LRBA: variants seen among roughly 807,000 people sequenced by gnomAD.
The protein encoded by LRBA is LPS responsive beige-like anchor protein, also known as lipopolysaccharide-responsive and beige-like anchor protein.
In LRBA, 176 loss-of-function variants were observed where a neutral mutation model predicts 330.0. That is an observed-to-expected ratio of 0.53 (90% CI 0.47 to 0.60). LRBA has a LOEUF of 0.60. Among genes scored for constraint, LRBA ranks in the 20% least tolerant of loss-of-function variants. The probability of loss-of-function intolerance (pLI) is 0.00; values close to 1 mark genes in which losing one functional copy is unlikely to be tolerated. For missense variants in LRBA, 3,259 were observed against 3,444.8 expected (o/e 0.95, Z 1.35); for synonymous variants, 1,230 against 1,193.0 (o/e 1.03, Z -0.64).
Position 150,795,018 on chromosome 4 carries a change from T to C in LRBA, c.5580+3063A>G, listed in dbSNP as rs1014207561. Among the ~76,000 whole-genome samples the C allele has an allele frequency of 2.6e-5, 4 of 152,124 alleles. No homozygotes were observed. In the South Asian group the frequency reaches 6.2e-4, roughly 24 times the overall value. ...ACACATTATTTATTTATTAGATGTT[T>C]TGGGTTGAAACCATTTTTAAATGAT... On this transcript the variant is annotated intron_variant, in intron 34 of 56. Coordinates refer to ENST00000651943, the MANE Select transcript of LRBA (RefSeq NM_001364905.1).
At chr4:150,526,957 T>C (rs1373914717) in intron 40 of LRBA, among the ~76,000 whole-genome samples, 1 of 151,974 alleles carries the variant, frequency 6.6e-6, no homozygotes, top group Non-Finnish European at 1.5e-5. Flanking sequence ...AATTCGTTGA[T>C]ACGCTTTTCA....
At chr4:150,598,449 T>C (rs1773747781) in intron 38 of LRBA, among the ~76,000 whole-genome samples, 2 of 152,154 alleles carry the variant, frequency 1.3e-5, no homozygotes, top group South Asian at 4.1e-4. Flanking sequence ...GATAACAAAA[T>C]AATATAGAAT....
chr4:150,842,103 A>C (rs1233581710), intron 28 of LRBA, among the ~76,000 whole-genome samples: 1 of 152,192 alleles, frequency 6.6e-6, no homozygotes, highest in Non-Finnish European at 1.5e-5. Context: ...ATTATTTATG[A>C]CTTTCAGTAA....
intron 44 of LRBA, among the ~76,000 whole-genome samples, chr4:150,443,413 G>A (rs1752091222): frequency 6.6e-6 from 1 of 152,076 alleles, no homozygotes. Flanking sequence ...ATTTACTGCG[G>A]CACTACTCAC....
At chr4:150,635,712 T>C (rs972811418) in intron 37 of LRBA, among the ~76,000 whole-genome samples, 2 of 152,160 alleles carry the variant, frequency 1.3e-5, no homozygotes, top group Admixed American at 1.3e-4. Context: ...TACATAATAA[T>C]AATATAACTG....
At chr4:150,894,420 T>C (rs569609189) in intron 16 of LRBA, among the ~76,000 whole-genome samples, 2 of 152,278 alleles carry the variant, frequency 1.3e-5, no homozygotes, top group Non-Finnish European at 1.5e-5. Context: ...TTGATAACAT[T>C]TACAGAATAC....
At chr4:150,868,739 A>G (rs939375452) in intron 20 of LRBA, among the ~76,000 whole-genome samples, 6 of 152,086 alleles carry the variant, frequency 3.9e-5, no homozygotes, top group Non-Finnish European at 8.8e-5. Context: ...GGAGTTCGAG[A>G]GCGGCCTGGC....
At chr4:150,419,633 CTTTT>C (rs780382905) in intron 46 of LRBA, among the ~76,000 whole-genome samples, 1 of 96,984 alleles carries the variant, frequency 1.0e-5, no homozygotes, top group Non-Finnish European at 2.0e-5. Flanking sequence ...CTGATAATAT[CTTTT>C]TTTTTTTTTT....
chr4:150,857,266 A>C (rs1218570148), intron 22 of LRBA, among the ~76,000 whole-genome samples: 1 of 152,112 alleles, frequency 6.6e-6, no homozygotes, highest in Admixed American at 6.6e-5. Flanking sequence ...ATCTTTTATA[A>C]AGACTCTGAT....
At chr4:150,501,366 C>T (rs1378022585) in intron 40 of LRBA, among the ~76,000 whole-genome samples, 2 of 152,142 alleles carry the variant, frequency 1.3e-5, no homozygotes, top group Non-Finnish European at 2.9e-5. Flanking sequence ...AATACCAGCA[C>T]TTTGGTAGGC....
chr4:150,827,901 C>T (rs902131570), intron 30 of LRBA, among the ~76,000 whole-genome samples: 13 of 152,064 alleles, frequency 8.5e-5, no homozygotes, highest in African/African-American at 3.1e-4. Flanking sequence ...TGCACCTGGC[C>T]TTCCTTATGA....
chr4:150,816,650 C>T (rs1744635238), intron 31 of LRBA, among the ~76,000 whole-genome samples: 1 of 151,602 alleles, frequency 6.6e-6, no homozygotes, highest in African/African-American at 2.4e-5. Context: ...CCTTTCCAAG[C>T]CTCTAATTCA....
Position 150,568,571 on chromosome 4 carries a change from A to G in LRBA, c.6330+19477T>C, listed in dbSNP as rs187677141. Among the ~76,000 whole-genome samples the G allele has an allele frequency of 9.2e-5, 14 of 152,276 alleles. No individual in the cohort carries two copies. The East Asian group carries it at 2.3e-3, about 25-fold the overall frequency. ...TACCTGGTTTGAAGAGAAAAACTTT[A>G]GTGTAAATAATCCCAAAGAAAACTA... On this transcript the variant is annotated intron_variant, in intron 40 of 56. Transcript: ENST00000651943.
chr4:150,517,605 A>G (rs1762489705), intron 40 of LRBA, among the ~76,000 whole-genome samples: 1 of 152,232 alleles, frequency 6.6e-6, no homozygotes, highest in African/African-American at 2.4e-5. Flanking sequence ...AACAGGATGC[A>G]TAAAAGTAAA....
chr4:150,302,757 C>T lies in LRBA; in HGVS notation c.7885G>A (p.Val2629Ile). The change falls in exon 53 of 57, where the codon GTC (valine) becomes ATC (isoleucine). Residue 2629 changes from valine to isoleucine, a missense_variant. Physicochemically the swap from Val to Ile is conservative, Grantham distance 29. Transcript: ENST00000651943. Reference protein sequence around the residue: ...LIQVVFGHWDVVTCLARSESY... With the variant: ...LIQVVFGHWDIVTCLARSESY... The stretch of plus-strand genomic sequence containing the variant: ...TCAGAACGAGCAAGGCAAGTGACGA[C>T]ATCCCAATGGCCAAACACCACTTGG... The T allele has an allele frequency of 1.2e-6, 2 of 1,609,214 alleles. No homozygotes were observed. The highest frequency in any genetic ancestry group is 1.7e-6 in the Non-Finnish European group (2 of 1,177,354).
chr4:150,718,785 CA>C (rs1386259160), intron 36 of LRBA, among the ~76,000 whole-genome samples: 1 of 151,922 alleles, frequency 6.6e-6, no homozygotes, highest in Non-Finnish European at 1.5e-5. Context: ...CTATATTAGA[CA>C]AAACATAAAA....
At chr4:150,315,855 G>A (rs1655890212) in intron 50 of LRBA, among the ~76,000 whole-genome samples, 1 of 152,226 alleles carries the variant, frequency 6.6e-6, no homozygotes, top group South Asian at 2.1e-4. Context: ...CCAGTCCTAG[G>A]CCATAAGCTA....
intron 47 of LRBA, among the ~76,000 whole-genome samples, chr4:150,414,985 T>G (rs1747529504): frequency 6.6e-6 from 1 of 152,222 alleles, no homozygotes; most frequent in Admixed American, 6.5e-5. Context: ...GCTTTTAAGT[T>G]TTAACATTTT....
At chr4:150,994,985 G>A (rs938941451) in intron 2 of LRBA, among the ~76,000 whole-genome samples, 1 of 152,038 alleles carries the variant, frequency 6.6e-6, no homozygotes, top group East Asian at 1.9e-4. Flanking sequence ...ATAAAGGTTG[G>A]GGCCTAAACA....
Sources: gnomAD v4.1 joint callset for allele counts (sites outside exome capture counted in the v4.1 genomes callset) on GRCh38, gnomAD v4.1.1 for gene constraint, MANE v1.5 for transcripts, NCBI Gene and HGNC (gene_info 2026-07-23, HGNC 2026-07-21) for gene names.